PDE1A: variants seen among roughly 807,000 people sequenced by gnomAD.
PDE1A encodes the protein dual specificity calcium/calmodulin-dependent 3',5'-cyclic nucleotide phosphodiesterase 1A.
A neutral mutation model predicts 61.7 loss-of-function variants in PDE1A; 35 were observed. That is an observed-to-expected ratio of 0.57 (90% CI 0.43 to 0.75). PDE1A has a LOEUF of 0.75. Ranked by LOEUF, PDE1A falls within the 30% of genes least tolerant of loss-of-function variation. PDE1A has a pLI of 0.00. For synonymous variants in PDE1A, 232 were observed against 213.2 expected (o/e 1.09, Z -0.77); for missense variants, 597 against 630.6 (o/e 0.95, Z 0.57).
the PDE1A span, among the ~76,000 whole-genome samples, chr2:182,555,902 G>A: frequency 5.6e-5 from 8 of 141,704 alleles, no homozygotes; most frequent in Admixed American, 1.5e-4. Flanking sequence ...GGGAGGCAGA[G>A]GTTGCAGTAA....
the PDE1A span, among the ~76,000 whole-genome samples, chr2:182,605,849 T>C: frequency 7.9e-5 from 12 of 152,328 alleles, no homozygotes; most frequent in South Asian, 2.5e-3. Flanking sequence ...ACTGTACTTG[T>C]GATGGGAATT....
At chr2:182,207,254 CGTCTTAGGTAGAGATAAGGAG>C (rs1687185464) in intron 7 of PDE1A, among the ~76,000 whole-genome samples, 1 of 152,098 alleles carries the variant, frequency 6.6e-6, no homozygotes, top group South Asian at 2.1e-4. Context: ...AGGTTGAGGA[CGTCTTAGGTAGAGATAAGGAG>C]GTCTTAGGTA....
At chr2:182,519,648 T>G (rs563588920) in intron 2 of PDE1A, among the ~76,000 whole-genome samples, 42 of 152,054 alleles carry the variant, frequency 2.8e-4, no homozygotes, top group African/African-American at 9.9e-4. Context: ...TTTAATTTAG[T>G]TACCAATGTT....
intron 1 of PDE1A, among the ~76,000 whole-genome samples, chr2:182,352,893 T>C (rs1344056902): frequency 6.6e-6 from 1 of 151,654 alleles, no homozygotes; most frequent in Non-Finnish European, 1.5e-5. Context: ...TGAAAATCAT[T>C]AAAAAAAATA....
At chr2:182,281,456 T>C (rs1693800798) in intron 1 of PDE1A, among the ~76,000 whole-genome samples, 1 of 151,806 alleles carries the variant, frequency 6.6e-6, no homozygotes, top group Non-Finnish European at 1.5e-5. Flanking sequence ...AGCTAAGTAA[T>C]CTCAAGAAAC....
chr2:182,443,420 C>T (rs1050786560), intron 2 of PDE1A, among the ~76,000 whole-genome samples: 3 of 151,954 alleles, frequency 2.0e-5, no homozygotes, highest in African/African-American at 7.2e-5. Flanking sequence ...TTGTAATTCT[C>T]ATTGTTGGAG....
chr2:182,254,946 CA>C (rs1691669039), intron 2 of PDE1A, among the ~76,000 whole-genome samples: 1 of 152,146 alleles, frequency 6.6e-6, no homozygotes, highest in Non-Finnish European at 1.5e-5. Flanking sequence ...CCCCTGGACA[CA>C]ATGACTGGTT....
At chr2:182,611,353 C>T in the PDE1A span, among the ~76,000 whole-genome samples, 15 of 152,182 alleles carry the variant, frequency 9.9e-5, no homozygotes, top group African/African-American at 3.6e-4. Flanking sequence ...TCAAAGAGAA[C>T]AAACCACCCC....
At chr2:182,169,986 A>T (rs1574547302) in intron 13 of PDE1A, among the ~76,000 whole-genome samples, 2 of 144,132 alleles carry the variant, frequency 1.4e-5, no homozygotes, top group East Asian at 2.1e-4. Flanking sequence ...ACACACACAC[A>T]CTCACACACA....
chr2:182,711,320 C>G, the PDE1A span, among the ~76,000 whole-genome samples: 3,328 of 152,042 alleles, frequency 0.022, 118 homozygotes, highest in African/African-American at 0.077. Flanking sequence ...TCAGTGATAA[C>G]GAGAACCAGT....
chr2:182,472,594 G>A (rs138183264), intron 2 of PDE1A, among the ~76,000 whole-genome samples: 1 of 151,908 alleles, frequency 6.6e-6, no homozygotes, highest in East Asian at 1.9e-4. Flanking sequence ...ATGGGAGGTT[G>A]CTTGGTGGGT....
At chr2:182,393,851 C>T (rs138826290) in intron 1 of PDE1A, among the ~76,000 whole-genome samples, 2,141 of 152,328 alleles carry the variant, frequency 0.014, 57 homozygotes, top group African/African-American at 0.049. Flanking sequence ...TTCTCATCTC[C>T]ATCTGAGACC....
At chr2:182,167,846 G>A, downstream of PDE1A, 1 of 917,096 alleles carries the variant, frequency 1.1e-6, no homozygotes, top group African/African-American at 1.8e-5. Flanking sequence ...TTTTTAATTT[G>A]CACTACATTT....
the PDE1A span, among the ~76,000 whole-genome samples, chr2:182,570,834 G>A: frequency 1.3e-5 from 2 of 152,284 alleles, no homozygotes; most frequent in African/African-American, 4.8e-5. Context: ...ATGAAAAGCT[G>A]TATGAGAAAA....
At chr2:182,473,555 A>C (rs890195264) in intron 2 of PDE1A, among the ~76,000 whole-genome samples, 5 of 151,788 alleles carry the variant, frequency 3.3e-5, no homozygotes, top group African/African-American at 1.2e-4. Context: ...AACGTGTGTC[A>C]TGGCAGTTTG....
At chr2:182,426,494 TG>T in intron 1 of PDE1A, 83 bp downstream of exon 1, 1 of 962,764 alleles carries the variant, frequency 1.0e-6, no homozygotes, top group Non-Finnish European at 1.7e-6. Context: ...TGTAGCTTAG[TG>T]GCAGAATCCC....
At chr2:182,243,110 A>G (rs1330279106) in intron 2 of PDE1A, among the ~76,000 whole-genome samples, 1 of 152,106 alleles carries the variant, frequency 6.6e-6, no homozygotes, top group East Asian at 1.9e-4. Context: ...TCATGTAAAA[A>G]TCCTATTTGC....
At chr2:182,301,989 T>C (rs900299955) in intron 1 of PDE1A, among the ~76,000 whole-genome samples, 2 of 152,210 alleles carry the variant, frequency 1.3e-5, no homozygotes, top group African/African-American at 2.4e-5. Flanking sequence ...CTACAAAATC[T>C]ACCATTAAGT....
At chr2:182,670,369 G>C in the PDE1A span, among the ~76,000 whole-genome samples, 1 of 152,148 alleles carries the variant, frequency 6.6e-6, no homozygotes, top group African/African-American at 2.4e-5. Context: ...AGAGTCCTGA[G>C]CTCTACAACA....
Sources: allele counts gnomAD v4.1 joint callset (sites outside exome capture counted in the v4.1 genomes callset), GRCh38; gene constraint gnomAD v4.1.1; transcripts MANE v1.5; gene names NCBI Gene and HGNC (gene_info 2026-07-23, HGNC 2026-07-21).